Variants in IPCEF1 observed in about 807,000 individuals in gnomAD.
IPCEF1 encodes interactor protein for cytohesin exchange factors 1.
Under a neutral mutation model 50.9 loss-of-function variants are expected in IPCEF1, and 31 were observed. That is an observed-to-expected ratio of 0.61 (90% CI 0.46 to 0.82). IPCEF1 has a LOEUF of 0.82. Ranked by LOEUF, IPCEF1 falls within the 40% of genes least tolerant of loss-of-function variation. The pLI is 0.00. For synonymous variants in IPCEF1, 181 were observed against 192.0 expected, an observed-to-expected ratio of 0.94 and a Z score of 0.47; for missense variants, 458 against 514.0, an observed-to-expected ratio of 0.89 and a Z score of 1.05.
chr6:154,226,617 A>G (rs1406691232), intron 5 of IPCEF1, among the ~76,000 whole-genome samples: 1 of 152,162 alleles, frequency 6.6e-6, no homozygotes, highest in Non-Finnish European at 1.5e-5. Context: ...AATTACCGCA[A>G]AAGTCTCCTC....
At chr6:154,212,919 G>A (rs778497790) in intron 8 of IPCEF1, 64 bp from the exon 9 acceptor site, 56 of 1,130,576 alleles carry the variant, frequency 5.0e-5, no homozygotes, top group Non-Finnish European at 6.8e-5. Flanking sequence ...TAATGCATGA[G>A]CAGAGGTTTA....
chr6:154,268,086 C>T (rs997058286), intron 2 of IPCEF1, among the ~76,000 whole-genome samples: 1 of 152,232 alleles, frequency 6.6e-6, no homozygotes, highest in Non-Finnish European at 1.5e-5. Context: ...TCACCAGGGA[C>T]CTGCCCCCTT....
chr6:154,189,677 C>T (rs924518240), intron 10 of IPCEF1, among the ~76,000 whole-genome samples: 4 of 152,126 alleles, frequency 2.6e-5, no homozygotes, highest in Admixed American at 6.5e-5. Flanking sequence ...TGCATTGAAA[C>T]ATCACACCGG....
At chr6:154,242,750 G>A (rs1780693646) in intron 5 of IPCEF1, among the ~76,000 whole-genome samples, 1 of 152,080 alleles carries the variant, frequency 6.6e-6, no homozygotes, top group Non-Finnish European at 1.5e-5. Flanking sequence ...AGCGGGGCAT[G>A]GTGGCGCACA....
chr6:154,231,563 C>A (rs559670670), intron 5 of IPCEF1, among the ~76,000 whole-genome samples: 1 of 152,178 alleles, frequency 6.6e-6, no homozygotes, highest in African/African-American at 2.4e-5. Context: ...CGCCATACAA[C>A]GCGTAGAGCA....
intron 1 of IPCEF1, among the ~76,000 whole-genome samples, chr6:154,331,378 A>AG (rs1446663984): frequency 1.6e-5 from 2 of 126,546 alleles, no homozygotes; most frequent in Non-Finnish European, 3.3e-5. Flanking sequence ...AAGGAAAGAA[A>AG]GAAAGAAAGA....
chr6:154,176,041 C>G (rs1171147301), intron 10 of IPCEF1, among the ~76,000 whole-genome samples: 1 of 152,204 alleles, frequency 6.6e-6, no homozygotes, highest in Non-Finnish European at 1.5e-5. Context: ...TAGACATAAT[C>G]TATCACATAA....
chr6:154,250,496 T>C (rs904254662), intron 3 of IPCEF1, among the ~76,000 whole-genome samples: 7 of 152,236 alleles, frequency 4.6e-5, no homozygotes, highest in African/African-American at 1.7e-4. Context: ...TTCTTTTTCA[T>C]TGAAGAAGTG....
intron 1 of IPCEF1, among the ~76,000 whole-genome samples, chr6:154,356,420 A>G (rs1005825607): frequency 6.6e-6 from 1 of 152,210 alleles, no homozygotes; most frequent in Non-Finnish European, 1.5e-5. Flanking sequence ...ACCTATCAAG[A>G]CAACACCCAT....
At chr6:154,317,413 G>T (rs1783248546) in intron 1 of IPCEF1, among the ~76,000 whole-genome samples, 1 of 151,760 alleles carries the variant, frequency 6.6e-6, no homozygotes, top group Non-Finnish European at 1.5e-5. Context: ...GCTGGGCATG[G>T]TGGCAGGCTC....
At chr6:154,247,401 C>T in intron 4 of IPCEF1, 48 bp downstream of exon 4, 6 of 1,515,556 alleles carry the variant, frequency 4.0e-6, no homozygotes, top group Non-Finnish European at 5.5e-6. Context: ...AAAAGCCACA[C>T]TCAACGTACA....
At chr6:154,233,624 G>T (rs995631197) in intron 5 of IPCEF1, among the ~76,000 whole-genome samples, 3 of 152,150 alleles carry the variant, frequency 2.0e-5, no homozygotes, top group Non-Finnish European at 2.9e-5. Flanking sequence ...CAGATGGAAA[G>T]AATTGATTAC....
intron 1 of IPCEF1, among the ~76,000 whole-genome samples, chr6:154,295,062 G>A (rs1034343999): frequency 2.0e-5 from 3 of 151,984 alleles, no homozygotes; most frequent in African/African-American, 7.3e-5. Context: ...GTCGGGTGTG[G>A]TGGCGGTCCC....
At chr6:154,326,537 T>A (rs904898515) in intron 1 of IPCEF1, among the ~76,000 whole-genome samples, 1 of 152,066 alleles carries the variant, frequency 6.6e-6, no homozygotes, top group Non-Finnish European at 1.5e-5. Context: ...CAAGGAGGCC[T>A]AAAACCACTG....
At chr6:154,243,801 A>T (rs1328819145) in intron 5 of IPCEF1, among the ~76,000 whole-genome samples, 1 of 152,172 alleles carries the variant, frequency 6.6e-6, no homozygotes, top group Admixed American at 6.5e-5. Context: ...CTCCCATGTG[A>T]CTTGGGACAA....
In IPCEF1 at chr6:154,155,657, C is replaced by A. The variant is rs139380960; in HGVS notation, c.*4171G>T. The A allele has an allele frequency of 1.3e-5, 2 of 151,866 alleles. No individual in the cohort carries two copies. Among genetic ancestry groups the A allele is most frequent in the Admixed American group, 1.3e-4 (2 of 15,236 alleles). 9.4% of individuals were successfully genotyped at this position (151,866 alleles called of 1,614,324 possible). On this transcript the variant is annotated 3_prime_UTR_variant, in exon 12 of 12. Coordinates refer to ENST00000367220, the MANE Select transcript of IPCEF1 (RefSeq NM_001130700.2). The stretch of plus-strand genomic sequence containing the variant: ...ACTAAAAATATAAAAATTAGCCGGG[C>A]GTAGTCCCAGCTACTCGGGAGGCTG...
At chr6:154,284,981 T>C (rs147495517) in intron 2 of IPCEF1, among the ~76,000 whole-genome samples, 26 of 152,086 alleles carry the variant, frequency 1.7e-4, no homozygotes, top group African/African-American at 3.9e-4. Flanking sequence ...GCCTGGGTGA[T>C]AGAGTGAGAC....
Position 154,279,286 on chromosome 6 carries a change from A to AG in IPCEF1, c.-18+10426_-18+10427insC, listed in dbSNP as rs5881072. 7.9e-3 allele frequency among the ~76,000 whole-genome samples: 1,207 copies of AG among 152,332 alleles called. 21 individuals carry two copies. Among genetic ancestry groups the AG allele is most frequent in the African/African-American group, 0.028 (1,158 of 41,568 alleles). ...AATATGTTAGAATGAATCTAATAAA[A>AG]ATGTATAAGACTTCAATGAAGAAAT... On this transcript the variant is annotated intron_variant, in intron 2 of 11. Transcript: ENST00000367220.
At chr6:154,250,183 A>C (rs1417072399) in intron 3 of IPCEF1, among the ~76,000 whole-genome samples, 2 of 152,100 alleles carry the variant, frequency 1.3e-5, no homozygotes, top group African/African-American at 4.8e-5. Context: ...TACTCCTCAC[A>C]ACAGGAAGTG....
Sources: gnomAD v4.1 joint callset for allele counts (sites outside exome capture counted in the v4.1 genomes callset) on GRCh38, gnomAD v4.1.1 for gene constraint, MANE v1.5 for transcripts, NCBI Gene and HGNC (gene_info 2026-07-23, HGNC 2026-07-21) for gene names.